ZFYVE16: variants seen among roughly 807,000 people sequenced by gnomAD.
The protein encoded by ZFYVE16 is zinc finger FYVE domain-containing protein 16.
Under a neutral mutation model 138.1 loss-of-function variants are expected in ZFYVE16, and 89 were observed. The ratio of observed to expected loss-of-function variants is 0.64; its 90% CI spans 0.54 to 0.77. The LOEUF is 0.77. Ranked by LOEUF, ZFYVE16 falls within the 30% of genes least tolerant of loss-of-function variation. The pLI is 0.00. For synonymous variants in ZFYVE16, 596 were observed against 618.3 expected (o/e 0.96, Z 0.53); for missense variants, 1,793 against 1,786.7 (o/e 1.00, Z -0.06).
At chr5:80,426,322 T>C (rs1370052580) in intron 1 of ZFYVE16, among the ~76,000 whole-genome samples, 4 of 150,446 alleles carry the variant, frequency 2.7e-5, no homozygotes, top group African/African-American at 7.4e-5. Context: ...AGGATACATG[T>C]GCAGGATGTG....
chr5:80,480,432 G>A lies in ZFYVE16; in HGVS notation c.*3055G>A, dbSNP rs201027497. Among the ~76,000 whole-genome samples the A allele has an allele frequency of 2.0e-5, 3 of 150,470 alleles. No individual in the cohort carries two copies. Among genetic ancestry groups the A allele is most frequent in the Non-Finnish European group, 3.0e-5 (2 of 67,638 alleles). ...CAGTGCACCATGGGAGAAACAGCTG[G>A]AAAAAAAAACAGAAGACCTGTAGAG... On this transcript the variant is annotated 3_prime_UTR_variant, in exon 19 of 19. Coordinates refer to ENST00000505560, the MANE Select transcript of ZFYVE16 (RefSeq NM_001284236.3).
At chr5:80,422,589 G>A (rs1747384280) in intron 1 of ZFYVE16, among the ~76,000 whole-genome samples, 2 of 151,934 alleles carry the variant, frequency 1.3e-5, no homozygotes, top group Admixed American at 1.3e-4. Context: ...TGAGTAGCTG[G>A]GATTACAGGT....
rs1750278761 is a variant in ZFYVE16 at position 80,438,610 on chromosome 5, A to C, written c.1925A>C (p.Gln642Pro). 3.1e-6 allele frequency: 5 copies of C among 1,614,136 alleles called. No homozygotes were observed. Among genetic ancestry groups the C allele is most frequent in the Non-Finnish European group, 3.4e-6 (4 of 1,179,998 alleles). Residue 642 changes from glutamine to proline, a missense_variant, in exon 4 of 19, where the codon CAA becomes CCA. This residue lies in a region of ZFYVE16 where 1,295 missense variants were observed against 1,204.3 expected (regional missense o/e 1.08). Coordinates refer to ENST00000505560, the MANE Select transcript of ZFYVE16 (RefSeq NM_001284236.3). ...TTATCGGTCTCTGATATTAACAGTC[A>C]ATCTGTTGGAGGGGCCAGACCTAAG... ...NQLSVSDINS[Q>P]SVGGARPKQL...
chr5:80,419,004 T>C (rs961021873), intron 1 of ZFYVE16, among the ~76,000 whole-genome samples: 5 of 152,036 alleles, frequency 3.3e-5, no homozygotes, highest in African/African-American at 4.8e-5. Flanking sequence ...GCACCTGTTA[T>C]TGAAAAGACT....
At position 80,472,828 on chromosome 5, in the gene ZFYVE16, A is replaced by G; in HGVS notation, c.4092A>G (p.Lys1364=). 3 of 1,614,062 alleles carry G rather than the reference A, an allele frequency of 1.9e-6. No individual in the cohort carries two copies. The highest frequency in any genetic ancestry group is 2.5e-6 in the Non-Finnish European group (3 of 1,179,982). ...NGLRLALREQ[K]DFKITCGKVD... is the part of the protein sequence containing the mutation. ...TGCGGCTAGCTTTACGAGAACAGAAAGACTTTAAAATTACATGTGGGAAAG... is the reference window on the plus strand; with the variant it reads ...TGCGGCTAGCTTTACGAGAACAGAAGGACTTTAAAATTACATGTGGGAAAG... Residue 1364 remains lysine, a synonymous_variant, in exon 16 of 19, where the codon AAA becomes AAG. Transcript: ENST00000505560.
chr5:80,441,769 TG>T (rs1201259686), intron 5 of ZFYVE16: 3 of 985,316 alleles, frequency 3.0e-6, no homozygotes, highest in Admixed American at 1.2e-4. Flanking sequence ...ACTTGGTTAA[TG>T]GAAGCCATTT....
At chr5:80,467,721 C>T (rs1029657160) in intron 15 of ZFYVE16, among the ~76,000 whole-genome samples, 2 of 152,002 alleles carry the variant, frequency 1.3e-5, no homozygotes, top group Non-Finnish European at 2.9e-5. Context: ...GCCAGACATG[C>T]AAAGAAACAG....
rs374342948 is a variant in ZFYVE16 at position 80,434,209 on chromosome 5, A to G, written c.62A>G (p.Gln21Arg). Residue 21 changes from glutamine to arginine, a missense_variant, in exon 3 of 19, where the codon CAG becomes CGG. Physicochemically the swap from Gln to Arg is conservative, Grantham distance 43. Transcript: ENST00000505560. ...GACAAACTCCTTGATGATTTTGAAC[A>G]GAACCCAGGTTTGTTGATTTTCCAT... ...DLDKLLDDFE[Q>R]NPDEQDYLQD... 1.2e-6 allele frequency: 2 copies of G among 1,613,222 alleles called. No homozygotes were observed. The highest frequency in any genetic ancestry group is 1.7e-5 in the Admixed American group (1 of 60,004).
intron 15 of ZFYVE16, among the ~76,000 whole-genome samples, chr5:80,460,204 A>G (rs1219334602): frequency 6.6e-6 from 1 of 152,168 alleles, no homozygotes; most frequent in African/African-American, 2.4e-5. Context: ...CTCTGAATAT[A>G]GTCATAATTA....
At chr5:80,465,082 A>ATGTTCT (rs1320726386) in intron 15 of ZFYVE16, among the ~76,000 whole-genome samples, 1 of 152,090 alleles carries the variant, frequency 6.6e-6, no homozygotes, top group African/African-American at 2.4e-5. Flanking sequence ...ACAACCCAAA[A>ATGTTCT]TACATTTATG....
intron 12 of ZFYVE16, chr5:80,456,194 C>T (rs1258607442): frequency 3.1e-6 from 1 of 323,704 alleles, no homozygotes. Context: ...AAGTTCCCTT[C>T]CACCTATACT....
rs746589592 is a variant in ZFYVE16, at chr5:80,415,771, G to T, written c.-94+7618G>T. Among the ~76,000 whole-genome samples, 50 of 152,136 alleles carry T rather than the reference G, an allele frequency of 3.3e-4. No homozygotes were observed. In the Middle Eastern group the frequency reaches 0.01, roughly 31 times the overall value. Reference sequence around the variant, plus strand: ...CAACCTCTGCCTACCGGGTTCAAGCGATTCTCCTGCCTCAGCCTCTTGAGT... The same window carrying T: ...CAACCTCTGCCTACCGGGTTCAAGCTATTCTCCTGCCTCAGCCTCTTGAGT... On this transcript the variant is annotated intron_variant, in intron 1 of 18. Transcript: ENST00000505560.
intron 1 of ZFYVE16, among the ~76,000 whole-genome samples, chr5:80,418,774 C>G (rs1746634544): frequency 6.6e-6 from 1 of 152,124 alleles, no homozygotes; most frequent in Admixed American, 6.5e-5. Context: ...TTAATAAGAT[C>G]AAACTTACCA....
chr5:80,446,180 A>G (rs1280319506), intron 7 of ZFYVE16, among the ~76,000 whole-genome samples: 3 of 152,070 alleles, frequency 2.0e-5, no homozygotes, highest in Non-Finnish European at 4.4e-5. Flanking sequence ...TACAGGAGTG[A>G]GCCACCGTGC....
rs139138205 is a variant in ZFYVE16, at chr5:80,439,086, G to A, written c.2322+79G>A. 11,529 of 1,351,380 alleles carry A rather than the reference G, an allele frequency of 8.5e-3. 70 individuals carry two copies. Among genetic ancestry groups the A allele is most frequent in the Middle Eastern group, 0.054 (279 of 5,180 alleles). The allele number at this position is 1,351,380 out of a possible 1,614,324, so 83.7% of individuals were successfully genotyped here. ...ATACAATGTGATAGAAAAGGCTGAT[G>A]AACAGATAATTACAAGATTGAGTTA... is the stretch of plus-strand genomic sequence containing the variant. On this transcript the variant is annotated intron_variant, in intron 4 of 18. Transcript: ENST00000505560.
Position 80,431,589 on chromosome 5 carries a change from G to A in ZFYVE16, c.-39-2520G>A, listed in dbSNP as rs190759237. The stretch of plus-strand genomic sequence containing the variant: ...CATAGTTTTGGAAGTTCTGGCCAGG[G>A]CACTCAGGCAGGAGAAGGAAATAAA... On this transcript the variant is annotated intron_variant, in intron 2 of 18. Coordinates refer to ENST00000505560, the MANE Select transcript of ZFYVE16 (RefSeq NM_001284236.3). Among the ~76,000 whole-genome samples the A allele has an allele frequency of 6.1e-3, 932 of 152,224 alleles. 10 individuals are homozygous for A. The highest frequency in any genetic ancestry group is 0.021 in the African/African-American group (860 of 41,518).
intron 17 of ZFYVE16, 79 bp from the exon 18 acceptor site, chr5:80,474,580 TTTAA>T: frequency 1.5e-6 from 2 of 1,355,966 alleles, no homozygotes; most frequent in Non-Finnish European, 2.0e-6. Context: ...TACATTGGAA[TTTAA>T]TTAAACTTGA....
rs185818289 is a variant in ZFYVE16, at chr5:80,414,772, G to A, written c.-94+6619G>A. On this transcript the variant is annotated intron_variant, in intron 1 of 18. Coordinates refer to ENST00000505560, the MANE Select transcript of ZFYVE16 (RefSeq NM_001284236.3). ...AAATAAATTATACAAAACATTGGGAGTTTGTAAAGTAAATAACTGCTTTAG... is the reference window on the plus strand; with the variant it reads ...AAATAAATTATACAAAACATTGGGAATTTGTAAAGTAAATAACTGCTTTAG... Among the ~76,000 whole-genome samples, 3 of 152,272 alleles carry A rather than the reference G, an allele frequency of 2.0e-5. No individual in the cohort carries two copies. In the East Asian group the frequency reaches 5.8e-4, roughly 29 times the overall value.
intron 18 of ZFYVE16, among the ~76,000 whole-genome samples, chr5:80,476,516 T>A (rs918833925): frequency 1.3e-5 from 2 of 152,220 alleles, no homozygotes; most frequent in Non-Finnish European, 2.9e-5. Flanking sequence ...TCATCTTGCA[T>A]GTAAAAACAA....
Sources: allele counts gnomAD v4.1 joint callset (sites outside exome capture counted in the v4.1 genomes callset), GRCh38; gene constraint gnomAD v4.1.1; regional missense constraint gnomAD v4.1.1; transcripts MANE v1.5; gene names NCBI Gene and HGNC (gene_info 2026-07-23, HGNC 2026-07-21).